The following UMAD1 variants were observed in gnomAD, a reference collection of about 807,000 sequenced individuals.
UMAD1 encodes the protein UBAP1-MVB12-associated (UMA)-domain containing protein 1.
A neutral mutation model predicts 6.1 loss-of-function variants in UMAD1; 8 were observed. The ratio of observed to expected loss-of-function variants is 1.30; its 90% confidence interval spans 0.76 to 2.35. The LOEUF (loss-of-function observed/expected upper bound fraction) is 2.35. Among genes scored for constraint, UMAD1 ranks in the 30% most tolerant of loss-of-function variants. The pLI is 0.00. For missense variants in UMAD1, 130 were observed against 78.4 expected (o/e 1.66, Z -2.49); for synonymous variants, 56 against 31.4 (o/e 1.78, Z -2.61).
At chr7:7,834,016 C>CTTTTTTTTT (rs4034895) in intron 3 of UMAD1, among the ~76,000 whole-genome samples, 9 of 110,450 alleles carry the variant, frequency 8.1e-5, no homozygotes, top group South Asian at 3.0e-4. Context: ...TTTTTCTTTT[C>CTTTTTTTTT]TTTTTTTTTT....
rs190073788 is a variant in UMAD1, at chr7:7,799,128, A to G, written c.83-2542A>G. On this transcript the variant is annotated intron_variant, in intron 2 of 3. Coordinates refer to ENST00000682710, the MANE Select transcript of UMAD1 (RefSeq NM_001302348.2). ...CTTTTATATGGATTAGAGAAAATAT[A>G]GAAAATAACTGAATTTTTACCATAA... 4.3e-3 allele frequency among the ~76,000 whole-genome samples: 652 copies of G among 152,350 alleles called. 4 individuals carry two copies. Among genetic ancestry groups the G allele is most frequent in the African/African-American group, 0.015 (609 of 41,582 alleles).
At chr7:7,854,599 G>A (rs1164961285) in intron 3 of UMAD1, among the ~76,000 whole-genome samples, 1 of 152,016 alleles carries the variant, frequency 6.6e-6, no homozygotes, top group South Asian at 2.1e-4. Flanking sequence ...ACCTCCCACT[G>A]TGTCCTTCCC....
intron 2 of UMAD1, among the ~76,000 whole-genome samples, chr7:7,687,688 C>T (rs1583737167): frequency 6.6e-6 from 1 of 152,204 alleles, no homozygotes; most frequent in African/African-American, 2.4e-5. Flanking sequence ...AAAGGATTCA[C>T]TTCCTACAAC....
intron 3 of UMAD1, among the ~76,000 whole-genome samples, chr7:7,861,156 A>G (rs184023749): frequency 6.6e-6 from 1 of 152,322 alleles, no homozygotes; most frequent in East Asian, 1.9e-4. Context: ...AGGATTCTAG[A>G]GATGGAGAGT....
intron 2 of UMAD1, among the ~76,000 whole-genome samples, chr7:7,789,617 T>TCCCCCCC (rs201727587): frequency 7.9e-5 from 8 of 101,090 alleles, no homozygotes; most frequent in African/African-American, 3.0e-4. Context: ...AAATACCCCT[T>TCCCCCCC]CTCCCCTCCC....
intron 2 of UMAD1, among the ~76,000 whole-genome samples, chr7:7,783,396 GT>G (rs78806915): frequency 3.9e-4 from 58 of 148,006 alleles, no homozygotes; most frequent in African/African-American, 9.9e-4. Context: ...AATAGAAGTT[GT>G]TTTTTTTTTT....
intron 3 of UMAD1, among the ~76,000 whole-genome samples, chr7:7,823,051 G>A (rs1470857017): frequency 1.3e-5 from 2 of 152,014 alleles, no homozygotes; most frequent in African/African-American, 4.8e-5. Flanking sequence ...TTGATTAGGA[G>A]TGCTCCTCCC....
At chr7:7,818,275 C>A (rs10256321) in intron 3 of UMAD1, among the ~76,000 whole-genome samples, 48,950 of 151,924 alleles carry the variant, frequency 0.32, 8,129 homozygotes, top group Admixed American at 0.38. Context: ...AGGATAAAGG[C>A]CTCCAGCTCC....
intron 1 of UMAD1, among the ~76,000 whole-genome samples, chr7:7,646,403 C>T (rs796712617): frequency 5.9e-5 from 9 of 151,408 alleles, no homozygotes; most frequent in African/African-American, 2.2e-4. Flanking sequence ...GGGACAGTTT[C>T]CCCCATACTG....
At chr7:7,853,291 T>C (rs190537420) in intron 3 of UMAD1, among the ~76,000 whole-genome samples, 49 of 152,336 alleles carry the variant, frequency 3.2e-4, no homozygotes, top group Non-Finnish European at 5.9e-4. Context: ...AAGATTGTTT[T>C]GGCAATTCTG....
Position 7,676,235 on chromosome 7 carries a change from A to G in UMAD1, c.82+2782A>G, listed in dbSNP as rs181543906. The G allele has an allele frequency of 3.2e-4, 128 of 398,596 alleles. 1 individual carries two copies. Among genetic ancestry groups the G allele is most frequent in the African/African-American group, 2.4e-3 (117 of 48,744 alleles). The allele number at this position is 398,596 out of a possible 1,614,324, so 24.7% of individuals were successfully genotyped here. On this transcript the variant is annotated intron_variant, in intron 2 of 3. Coordinates refer to ENST00000682710, the MANE Select transcript of UMAD1 (RefSeq NM_001302348.2). ...TTAGTTACCCTTCCCAGTACCACTT[A>G]GCATATCTAGGAAATGAGCACGATA...
intron 2 of UMAD1, among the ~76,000 whole-genome samples, chr7:7,673,710 C>CT (rs1563108705): frequency 1.5e-5 from 2 of 132,504 alleles, no homozygotes; most frequent in African/African-American, 5.1e-5. Flanking sequence ...TTTTTCCCCC[C>CT]CTTTTTTTTT....
At chr7:7,860,223 T>C (rs35002430) in intron 3 of UMAD1, among the ~76,000 whole-genome samples, 14,130 of 152,146 alleles carry the variant, frequency 0.093, 837 homozygotes, top group Middle Eastern at 0.16. Flanking sequence ...AATATTAAAT[T>C]GAACAGATTT....
chr7:7,749,730 AT>A (rs1169457160), intron 2 of UMAD1, among the ~76,000 whole-genome samples: 2 of 152,182 alleles, frequency 1.3e-5, no homozygotes, highest in African/African-American at 4.8e-5. Context: ...ATAAAATAGC[AT>A]ATATTGAGAT....
At chr7:7,851,250 A>G (rs1783910018) in intron 3 of UMAD1, among the ~76,000 whole-genome samples, 1 of 152,050 alleles carries the variant, frequency 6.6e-6, no homozygotes, top group African/African-American at 2.4e-5. Context: ...CATTCCTTTT[A>G]TTGTTGTATA....
chr7:7,771,176 G>C (rs10258141), intron 2 of UMAD1, among the ~76,000 whole-genome samples: 53,183 of 151,146 alleles, frequency 0.35, 9,398 homozygotes, highest in South Asian at 0.4. Flanking sequence ...TGTATTGACA[G>C]CTTCTAGCAA....
intron 2 of UMAD1, chr7:7,715,181 C>T (rs1345578672): frequency 6.6e-6 from 1 of 152,144 alleles, no homozygotes; most frequent in Non-Finnish European, 1.5e-5. Context: ...TTACCTGAAA[C>T]TATTGTATTC....
intron 2 of UMAD1, among the ~76,000 whole-genome samples, chr7:7,773,730 T>G (rs1029889587): frequency 2.0e-5 from 3 of 152,220 alleles, no homozygotes; most frequent in Non-Finnish European, 4.4e-5. Context: ...CAGGTTTGCT[T>G]TAAAACATTT....
intron 2 of UMAD1, among the ~76,000 whole-genome samples, chr7:7,791,135 G>A (rs925701094): frequency 3.3e-5 from 5 of 151,508 alleles, no homozygotes; most frequent in South Asian, 2.1e-4. Context: ...TGATGCACCC[G>A]CCTCAGCCTC....
Sources: allele counts gnomAD v4.1 joint callset (sites outside exome capture counted in the v4.1 genomes callset), GRCh38; gene constraint gnomAD v4.1.1; transcripts MANE v1.5; gene names NCBI Gene and HGNC (gene_info 2026-07-23, HGNC 2026-07-21).